The following CKMT1B variants were observed in gnomAD, a reference collection of about 807,000 sequenced individuals.
The protein encoded by CKMT1B is creatine kinase U-type, mitochondrial.
Under a neutral mutation model 21.8 loss-of-function variants are expected in CKMT1B, and 13 were observed. The observed-to-expected ratio is 0.60, with a 90% CI of 0.39 to 0.95. The LOEUF is 0.95. Among genes scored for constraint, CKMT1B ranks in the 40% least tolerant of loss-of-function variants. The pLI, the probability that CKMT1B is intolerant of heterozygous loss-of-function variation, is 0.00. For synonymous variants in CKMT1B, 50 were observed against 80.3 expected, an observed-to-expected ratio of 0.62 and a Z score of 2.02; for missense variants, 157 against 227.5, an observed-to-expected ratio of 0.69 and a Z score of 1.99.
Position 43,599,318 on chromosome 15 carries a change from T to C in CKMT1B, c.*45T>C. On this transcript the variant is annotated 3_prime_UTR_variant, in exon 9 of 9. Transcript: ENST00000441322. ...GACTCAAGATTCCCAGGAGTTCTGC[T>C]CATTCTAATGATGGCCCATTCTACT... The C allele has an allele frequency of 1.2e-6, 2 of 1,613,396 alleles. No homozygotes were observed. Among genetic ancestry groups the C allele is most frequent in the Non-Finnish European group, 1.7e-6 (2 of 1,179,696 alleles).
chr15:43,596,492 G>C lies in CKMT1B; in HGVS notation c.837G>C (p.Met279Ile). Residue 279 changes from methionine to isoleucine, a missense_variant, in exon 6 of 9, where the codon ATG becomes ATC. Physicochemically the swap from Met to Ile is conservative, Grantham distance 10 (BLOSUM62 1). Coordinates refer to ENST00000441322, the MANE Select transcript of CKMT1B (RefSeq NM_001375484.1). ...RVISMEKGGNMKRVFERFCRG... is the reference protein window; with the variant it reads ...RVISMEKGGNIKRVFERFCRG... ...TCTCCATGGAGAAGGGTGGTAACAT[G>C]AAGAGAGTGTTTGAAAGATTCTGCC... is the stretch of plus-strand genomic sequence containing the variant. The C allele has an allele frequency of 1.2e-6, 2 of 1,606,170 alleles. No homozygotes were observed. The highest frequency in any genetic ancestry group is 8.5e-7 in the Non-Finnish European group (1 of 1,179,058).
intron 7 of CKMT1B, 78 bp from the exon 8 acceptor site, chr15:43,598,749 A>G (rs1429695701): frequency 3.5e-5 from 53 of 1,496,624 alleles, no homozygotes; most frequent in Non-Finnish European, 4.6e-5. Context: ...CAGAGCTCTG[A>G]GCAGGTTCAG....
At position 43,598,344 on chromosome 15, in the gene CKMT1B, G is replaced by GT. The variant is rs1438356012; in HGVS notation, c.1011+19dup. 6.3e-7 allele frequency: 1 copy of GT among 1,596,588 alleles called. No homozygotes were observed. Among genetic ancestry groups the GT allele is most frequent in the African/African-American group, 1.4e-5 (1 of 70,746 alleles). ...CTAAGCAAAGTAAAGGAGTTGTGGG[G>GT]TTACAGAGGGGTGTGAGTAAGGAAG... On this transcript the variant is annotated intron_variant, in intron 7 of 8. Transcript: ENST00000441322.
At chr15:43,596,667 A>G in intron 6 of CKMT1B, 136 bp downstream of exon 6, 1 of 1,378,198 alleles carries the variant, frequency 7.3e-7, no homozygotes, top group South Asian at 1.4e-5. Context: ...GACTCACTCC[A>G]GGACTAAAGG....
rs545090495 is a variant in CKMT1B, at chr15:43,599,181, G to C, written c.1162G>C (p.Asp388His). 1 of 1,613,692 alleles carries C rather than the reference G, an allele frequency of 6.2e-7. No homozygotes were observed. Among genetic ancestry groups the C allele is most frequent in the South Asian group, 1.1e-5 (1 of 91,048 alleles). Residue 388 changes from aspartate (D) to histidine (H), a missense_variant, in exon 9 of 9, where the codon GAT (aspartate) becomes CAT (histidine). Coordinates refer to ENST00000441322, the MANE Select transcript of CKMT1B (RefSeq NM_001375484.1). ...GGTGGAGCTGGTGCAACTGGTCATCGATGGAGTAAACTATTTGATTGATTG... is the reference window on the plus strand; with the variant it reads ...GGTGGAGCTGGTGCAACTGGTCATCCATGGAGTAAACTATTTGATTGATTG... ...SEVELVQLVI[D>H]GVNYLIDCER...
At chr15:43,596,818 G>A (rs1484648856) in intron 6 of CKMT1B, among the ~76,000 whole-genome samples, 8 of 149,616 alleles carry the variant, frequency 5.3e-5, no homozygotes, top group African/African-American at 1.8e-4. Context: ...GAGATGGCAC[G>A]TCAGTGCCTG....
intron 6 of CKMT1B, chr15:43,597,670 C>T: frequency 1.0e-6 from 1 of 963,604 alleles, no homozygotes. Flanking sequence ...TCCCCCCGCC[C>T]CCTATTCCTA....
In CKMT1B at chr15:43,598,063, A is replaced by G. The variant is rs997341972; in HGVS notation, c.877-130A>G. On this transcript the variant is annotated intron_variant, in intron 6 of 8. Transcript: ENST00000441322. ...ACCTTTTTCATTTAAAAAAAGACCA[A>G]TGTCATTCATTCACAGCCAAGTTTC... 55 of 1,481,052 alleles carry G rather than the reference A, an allele frequency of 3.7e-5. 4 individuals carry two copies. The highest frequency in any genetic ancestry group is 2.2e-4 in the East Asian group (9 of 41,750). The allele number at this position is 1,481,052 out of a possible 1,614,324, so 91.7% of individuals were successfully genotyped here. A position where few individuals can be genotyped will look rare whatever the true frequency, so the allele number is the denominator to read the frequency against.
intron 6 of CKMT1B, 90 bp from the exon 7 acceptor site, chr15:43,598,103 T>C (rs890967507): frequency 6.7e-5 from 105 of 1,563,512 alleles, no homozygotes; most frequent in Middle Eastern, 1.7e-4. Context: ...CTAGACATAT[T>C]TCTAGTGTTC....
In CKMT1B at chr15:43,598,886, A is replaced by G. The variant is rs1470291014; in HGVS notation, c.1071A>G (p.Gly357=). Residue 357 remains glycine, a synonymous_variant, in exon 8 of 9, where the codon GGA becomes GGG. Coordinates refer to ENST00000441322, the MANE Select transcript of CKMT1B (RefSeq NM_001375484.1). ...NLRLQKRGTG[G]VDTAATGGVF... is the part of the protein sequence containing the mutation. Reference sequence around the variant, plus strand: ...GACTCCAAAAACGTGGTACTGGAGGAGTGGACACTGCTGCTACAGGCGGTG... The same window carrying G: ...GACTCCAAAAACGTGGTACTGGAGGGGTGGACACTGCTGCTACAGGCGGTG... The G allele has an allele frequency of 6.2e-7, 1 of 1,609,206 alleles. No homozygotes were observed. The highest frequency in any genetic ancestry group is 1.1e-5 in the South Asian group (1 of 90,936).
Position 43,596,199 on chromosome 15 carries a change from C to A in CKMT1B, c.667-8C>A, listed in dbSNP as rs1230291831. 12 of 474,026 alleles carry A rather than the reference C, an allele frequency of 2.5e-5. 1 individual carries two copies. The East Asian group carries it at 4.3e-4, about 17-fold the overall frequency. The allele number at this position is 474,026 out of a possible 1,614,324, so 29.4% of individuals were successfully genotyped here. A position where few individuals can be genotyped will look rare whatever the true frequency, so the allele number is the denominator to read the frequency against. On this transcript the variant is annotated splice_region_variant and splice_polypyrimidine_tract_variant and intron_variant, in intron 4 of 8. Transcript: ENST00000441322. ...GATTCTTAACCCAAGTCCCGTTACT[C>A]TTCCCAGGACCACTTTCTGTTTGAT...
chr15:43,597,850 G>A lies in CKMT1B; in HGVS notation c.877-343G>A, dbSNP rs150988672. On this transcript the variant is annotated intron_variant, in intron 6 of 8. Coordinates refer to ENST00000441322, the MANE Select transcript of CKMT1B (RefSeq NM_001375484.1). The stretch of plus-strand genomic sequence containing the variant: ...GCTCATTAGCAAAGCAAAGATAATC[G>A]ATGCATGCAGACCTCATTGAATAAT... 963 of 1,174,984 alleles carry A rather than the reference G, an allele frequency of 8.2e-4. 93 individuals carry two copies. The African/African-American group carries it at 0.014, about 18-fold the overall frequency. The allele number at this position is 1,174,984 out of a possible 1,614,324, so 72.8% of individuals were successfully genotyped here.
At chr15:43,596,831 A>T (rs2085577906) in intron 6 of CKMT1B, among the ~76,000 whole-genome samples, 1 of 149,468 alleles carries the variant, frequency 6.7e-6, no homozygotes, top group Non-Finnish European at 1.5e-5. Context: ...AGTGCCTGGG[A>T]TGTGTGCAGT....
At chr15:43,597,548 C>T in intron 6 of CKMT1B, 1 of 1,133,558 alleles carries the variant, frequency 8.8e-7, no homozygotes, top group Non-Finnish European at 1.1e-6. Flanking sequence ...AAGAGGATCC[C>T]TTTACTCATG....
At chr15:43,598,802 C>T (rs1395952677) in intron 7 of CKMT1B, 25 bp from the exon 8 acceptor site, 3 of 1,592,816 alleles carry the variant, frequency 1.9e-6, no homozygotes, top group Admixed American at 3.5e-5. Flanking sequence ...ATTGACCCTG[C>T]TCCCAATCCC....
chr15:43,597,719 C>T, intron 6 of CKMT1B: 1 of 1,026,690 alleles, frequency 9.7e-7, no homozygotes. Context: ...TCTTTCTCTG[C>T]ATTCACACAG....
rs557191692 is a variant in CKMT1B, at chr15:43,598,273, C to T, written c.957C>T (p.Asn319=). 912 of 1,607,452 alleles carry T rather than the reference C, an allele frequency of 5.7e-4. 132 individuals are homozygous for T. In the East Asian group the frequency reaches 0.018, roughly 31 times the overall value. ...RLGYILTCPS[N]LGTGLRAGVH... is the part of the protein sequence containing the mutation. Reference sequence around the variant, plus strand: ...GATACATCTTGACCTGTCCATCTAACCTGGGCACTGGACTTCGGGCAGGAG... The same window carrying T: ...GATACATCTTGACCTGTCCATCTAATCTGGGCACTGGACTTCGGGCAGGAG... The change falls in exon 7 of 9, where the codon AAC becomes AAT. Residue 319 remains asparagine, a synonymous_variant. Coordinates refer to ENST00000441322, the MANE Select transcript of CKMT1B (RefSeq NM_001375484.1).
At chr15:43,596,922 C>G (rs1341733445) in intron 6 of CKMT1B, among the ~76,000 whole-genome samples, 1 of 148,304 alleles carries the variant, frequency 6.7e-6, no homozygotes, top group African/African-American at 2.6e-5. Flanking sequence ...GTTCATGACT[C>G]TAATATAACC....
chr15:43,597,513 A>G (rs533369688), intron 6 of CKMT1B: 36 of 1,242,754 alleles, frequency 2.9e-5, no homozygotes, highest in African/African-American at 2.2e-4. Context: ...GATATCCCCT[A>G]TGGCATGGTT....
Sources: gnomAD v4.1 joint callset for allele counts (sites outside exome capture counted in the v4.1 genomes callset) on GRCh38, gnomAD v4.1.1 for gene constraint, MANE v1.5 for transcripts, NCBI Gene and HGNC (gene_info 2026-07-23, HGNC 2026-07-21) for gene names.